The following SPRED1 variants were observed in gnomAD, a reference collection of about 807,000 sequenced individuals.
SPRED1 encodes the protein sprouty-related, EVH1 domain-containing protein 1.
A neutral mutation model predicts 52.3 loss-of-function variants in SPRED1; 18 were observed. That is an observed-to-expected ratio of 0.34 (90% CI 0.24 to 0.51). The LOEUF is 0.51. Among genes scored for constraint, SPRED1 ranks in the 20% least tolerant of loss-of-function variants. SPRED1 has a pLI of 0.97. For synonymous variants in SPRED1, 155 were observed against 179.7 expected, an observed-to-expected ratio of 0.86 and a Z score of 1.10; for missense variants, 485 against 551.0, an observed-to-expected ratio of 0.88 and a Z score of 1.20.
At chr15:38,263,534 T>C (rs1431453424) in intron 1 of SPRED1, among the ~76,000 whole-genome samples, 5 of 151,982 alleles carry the variant, frequency 3.3e-5, no homozygotes, top group Admixed American at 6.6e-5. Context: ...GTGGCTTAAG[T>C]GGTAGGAGAG....
In SPRED1 at chr15:38,313,185, T is replaced by A. The variant is rs531563079; in HGVS notation, c.208-9056T>A. On this transcript the variant is annotated intron_variant, in intron 2 of 6. Coordinates refer to ENST00000299084, the MANE Select transcript of SPRED1 (RefSeq NM_152594.3). ...ATCATATTTAGGAAATTAACATAAA[T>A]ACAGTCTTTAATCTACAGTCCCTAT... is the stretch of plus-strand genomic sequence containing the variant. Among the ~76,000 whole-genome samples the A allele has an allele frequency of 2.3e-4, 35 of 152,190 alleles. No homozygotes were observed. In the South Asian group the frequency reaches 7.2e-3, roughly 32 times the overall value.
intron 1 of SPRED1, among the ~76,000 whole-genome samples, chr15:38,253,693 G>A (rs1446555767): frequency 6.6e-6 from 1 of 151,342 alleles, no homozygotes; most frequent in Non-Finnish European, 1.5e-5. Context: ...TACCGATTAA[G>A]CCTTCACCCT....
intron 1 of SPRED1, among the ~76,000 whole-genome samples, chr15:38,294,280 A>G (rs1021369732): frequency 6.6e-6 from 1 of 152,224 alleles, no homozygotes; most frequent in African/African-American, 2.4e-5. Flanking sequence ...CAATGGATAA[A>G]TAAGTTCCTG....
At chr15:38,301,584 A>G (rs746808253) in intron 2 of SPRED1, among the ~76,000 whole-genome samples, 18 of 152,290 alleles carry the variant, frequency 1.2e-4, no homozygotes, top group Non-Finnish European at 2.2e-4. Flanking sequence ...GATCAAAGGC[A>G]GAGGCGATAA....
At chr15:38,345,383 T>C (rs1179136374) in intron 5 of SPRED1, among the ~76,000 whole-genome samples, 1 of 152,220 alleles carries the variant, frequency 6.6e-6, no homozygotes, top group Non-Finnish European at 1.5e-5. Context: ...AAAATAACTA[T>C]GTCTTTTGAA....
At chr15:38,272,784 T>C (rs1400574797) in intron 1 of SPRED1, among the ~76,000 whole-genome samples, 1 of 152,216 alleles carries the variant, frequency 6.6e-6, no homozygotes, top group Non-Finnish European at 1.5e-5. Flanking sequence ...CTCTGATTAT[T>C]AGTGATATGG....
intron 5 of SPRED1, among the ~76,000 whole-genome samples, chr15:38,343,822 A>G (rs1896077853): frequency 6.6e-6 from 1 of 152,184 alleles, no homozygotes; most frequent in South Asian, 2.1e-4. Flanking sequence ...CTTTACTTAT[A>G]TAACTCATTT....
intron 2 of SPRED1, among the ~76,000 whole-genome samples, chr15:38,317,181 G>T (rs1895506459): frequency 6.6e-6 from 1 of 151,836 alleles, no homozygotes; most frequent in East Asian, 1.9e-4. Flanking sequence ...AGTTTATTCA[G>T]CTTTTAATTA....
At chr15:38,324,667 C>A in intron 3 of SPRED1, 96 bp from the exon 4 acceptor site, 1 of 982,826 alleles carries the variant, frequency 1.0e-6, no homozygotes, top group Non-Finnish European at 1.6e-6. Context: ...TCTGATTAGT[C>A]TTCTAAAGTA....
At chr15:38,317,311 A>T (rs1895508349) in intron 2 of SPRED1, among the ~76,000 whole-genome samples, 1 of 151,940 alleles carries the variant, frequency 6.6e-6, no homozygotes, top group Non-Finnish European at 1.5e-5. Flanking sequence ...CTTTTGCACC[A>T]TGTCTTGTCT....
chr15:38,347,239 A>G (rs1392850711), intron 5 of SPRED1, among the ~76,000 whole-genome samples: 1 of 152,010 alleles, frequency 6.6e-6, no homozygotes, highest in Non-Finnish European at 1.5e-5. Flanking sequence ...TTTTTTCCAC[A>G]TAGGTTACTA....
intron 1 of SPRED1, among the ~76,000 whole-genome samples, chr15:38,266,640 C>CAAAAAACA (rs575903971): frequency 0.093 from 12,980 of 139,980 alleles, 677 homozygotes; most frequent in East Asian, 0.21. Context: ...GACTCTGTCT[C>CAAAAAACA]AAAAAACAAA....
intron 4 of SPRED1, among the ~76,000 whole-genome samples, chr15:38,332,758 T>G (rs1254354841): frequency 6.6e-6 from 1 of 152,184 alleles, no homozygotes; most frequent in Non-Finnish European, 1.5e-5. Context: ...GGGATAAAAC[T>G]TAGGCAGAGC....
chr15:38,328,845 G>A (rs1036875246), intron 4 of SPRED1, among the ~76,000 whole-genome samples: 5 of 151,752 alleles, frequency 3.3e-5, no homozygotes, highest in Admixed American at 6.6e-5. Flanking sequence ...TCAGCCTCCC[G>A]AGTAGCCATA....
chr15:38,327,794 T>C (rs1895733822), intron 4 of SPRED1, among the ~76,000 whole-genome samples: 1 of 152,200 alleles, frequency 6.6e-6, no homozygotes, highest in African/African-American at 2.4e-5. Context: ...AGATAATAAA[T>C]GTTTGTGTTT....
At chr15:38,344,793 A>T (rs926057624) in intron 5 of SPRED1, among the ~76,000 whole-genome samples, 1 of 152,220 alleles carries the variant, frequency 6.6e-6, no homozygotes, top group Non-Finnish European at 1.5e-5. Flanking sequence ...ACTCGTAAGT[A>T]ATTCCTTGTA....
At chr15:38,264,873 C>G (rs983794692) in intron 1 of SPRED1, among the ~76,000 whole-genome samples, 1 of 151,996 alleles carries the variant, frequency 6.6e-6, no homozygotes, top group Non-Finnish European at 1.5e-5. Context: ...CTATCAGGAA[C>G]GAGTGATTCT....
intron 1 of SPRED1, among the ~76,000 whole-genome samples, chr15:38,273,447 G>GC (rs1257009354): frequency 6.6e-6 from 1 of 150,726 alleles, no homozygotes; most frequent in Non-Finnish European, 1.5e-5. Context: ...ACAACATAGA[G>GC]CTCAGGATCA....
chr15:38,280,011 C>G (rs1894653669), intron 1 of SPRED1, among the ~76,000 whole-genome samples: 1 of 152,122 alleles, frequency 6.6e-6, no homozygotes, highest in Admixed American at 6.5e-5. Flanking sequence ...TTGCATGTGT[C>G]AGTCTCAGTG....
Sources: allele counts gnomAD v4.1 joint callset (sites outside exome capture counted in the v4.1 genomes callset), GRCh38; gene constraint gnomAD v4.1.1; transcripts MANE v1.5; gene names NCBI Gene and HGNC (gene_info 2026-07-23, HGNC 2026-07-21).